MEGF6: variants seen among roughly 807,000 people sequenced by gnomAD.
MEGF6 encodes the protein multiple epidermal growth factor-like domains protein 6.
A neutral mutation model predicts 207.1 loss-of-function variants in MEGF6; 184 were observed. The ratio of observed to expected loss-of-function variants is 0.89; its 90% confidence interval spans 0.79 to 1.00. The LOEUF (loss-of-function observed/expected upper bound fraction) is 1.00, where lower values mean the gene tolerates loss of function less well. Among genes scored for constraint, MEGF6 ranks in the 50% least tolerant of loss-of-function variants. The pLI, the probability that MEGF6 is intolerant of heterozygous loss-of-function variation, is 0.00. For synonymous variants in MEGF6, 1,038 were observed against 910.0 expected (o/e 1.14, Z -2.53); for missense variants, 2,282 against 2,202.9 (o/e 1.04, Z -0.72).
intron 4 of MEGF6, chr1:3,531,166 G>A (rs1642150711): frequency 3.3e-6 from 5 of 1,524,116 alleles, no homozygotes; most frequent in South Asian, 1.2e-5. Flanking sequence ...GCGGTAGTGC[G>A]TGCCCGCGAC....
chr1:3,519,218 G>T (rs1641651380), intron 5 of MEGF6, among the ~76,000 whole-genome samples: 1 of 152,250 alleles, frequency 6.6e-6, no homozygotes, highest in Non-Finnish European at 1.5e-5. Context: ...TGGGTGGTCA[G>T]CTCGGCCCAT....
At chr1:3,537,460 G>A (rs923063983) in intron 4 of MEGF6, among the ~76,000 whole-genome samples, 5 of 152,242 alleles carry the variant, frequency 3.3e-5, no homozygotes, top group South Asian at 2.1e-4. Flanking sequence ...GTGGAGCGGC[G>A]ATCACCACCG....
upstream of MEGF6, among the ~76,000 whole-genome samples, chr1:3,611,959 C>T (rs1394732234): frequency 1.3e-5 from 2 of 152,124 alleles, no homozygotes; most frequent in Non-Finnish European, 2.9e-5. Context: ...GGAGACAGCC[C>T]TCAGCCTCCC....
intron 4 of MEGF6, among the ~76,000 whole-genome samples, chr1:3,524,723 G>A (rs1180121323): frequency 3.3e-5 from 5 of 152,186 alleles, no homozygotes; most frequent in Non-Finnish European, 5.9e-5. Context: ...GAGTGTCCCC[G>A]CAGTTCATGG....
At position 3,512,113 on chromosome 1, in the gene MEGF6, GCACATTCGTC is replaced by G; in HGVS notation, c.859_868del (p.Asp287ProfsTer43). The G allele has an allele frequency of 6.2e-7, 1 of 1,608,516 alleles. No homozygotes were observed. The highest frequency in any genetic ancestry group is 1.1e-5 in the South Asian group (1 of 90,790). On this transcript the variant is annotated frameshift_variant, in exon 8 of 37. Transcript: ENST00000356575. LOFTEE classifies it high-confidence loss of function. ...ATGGGCACACTGGGCCAGCCCTGCG[GCACATTCGTC>G]CACATCTGGAGGGGAGAGACCACAG...
intron 4 of MEGF6, among the ~76,000 whole-genome samples, chr1:3,535,994 G>A (rs1318532896): frequency 6.6e-6 from 1 of 150,844 alleles, no homozygotes; most frequent in South Asian, 2.1e-4. Flanking sequence ...AACTCTCCAA[G>A]GGGGCATCCC....
chr1:3,581,356 G>A (rs1206828012), intron 3 of MEGF6, among the ~76,000 whole-genome samples: 1 of 152,096 alleles, frequency 6.6e-6, no homozygotes, highest in Non-Finnish European at 1.5e-5. Flanking sequence ...GCCACATTCA[G>A]GCCCTACCAG....
At chr1:3,578,431 G>A (rs759826555) in intron 4 of MEGF6, among the ~76,000 whole-genome samples, 14 of 152,200 alleles carry the variant, frequency 9.2e-5, no homozygotes, top group South Asian at 4.1e-4. Flanking sequence ...ACCTGTCCTC[G>A]GAACAGGGAT....
intron 5 of MEGF6, 97 bp from the exon 6 acceptor site, chr1:3,515,624 C>T: frequency 2.0e-6 from 3 of 1,470,304 alleles, no homozygotes; most frequent in Non-Finnish European, 2.8e-6. Flanking sequence ...ATGGCCACTT[C>T]TTCCTGCTGT....
intron 15 of MEGF6, among the ~76,000 whole-genome samples, chr1:3,505,861 T>A (rs996783786): frequency 6.6e-5 from 10 of 152,098 alleles, no homozygotes; most frequent in African/African-American, 2.4e-4. Context: ...CTACCACCCA[T>A]CAAGGCTGGG....
At chr1:3,609,910 G>T (rs367819670) in intron 1 of MEGF6, among the ~76,000 whole-genome samples, 4 of 152,224 alleles carry the variant, frequency 2.6e-5, no homozygotes, top group Non-Finnish European at 5.9e-5. Context: ...CCAAGCAGCA[G>T]CCCACCCCTG....
At chr1:3,602,441 C>G in intron 2 of MEGF6, 25 bp downstream of exon 2, 1 of 1,613,034 alleles carries the variant, frequency 6.2e-7, no homozygotes, top group South Asian at 1.1e-5. Context: ...GGAGCCCCTC[C>G]CCCAACACGG....
intron 5 of MEGF6, 96 bp from the exon 6 acceptor site, chr1:3,515,623 T>TC: frequency 6.8e-7 from 1 of 1,461,224 alleles, no homozygotes; most frequent in Non-Finnish European, 9.3e-7. Context: ...CATGGCCACT[T>TC]CTTCCTGCTG....
chr1:3,502,025 T>G, intron 17 of MEGF6, 104 bp from the exon 18 acceptor site: 3 of 1,490,570 alleles, frequency 2.0e-6, no homozygotes, highest in Non-Finnish European at 2.7e-6. Flanking sequence ...GTGCCTCACA[T>G]GGGCTCCTGG....
At position 3,500,771 on chromosome 1, in the gene MEGF6, C is replaced by G. The variant is rs199684485; in HGVS notation, c.2576-7G>C. 6.2e-7 allele frequency: 1 copy of G among 1,605,522 alleles called. No individual in the cohort carries two copies. Among genetic ancestry groups the G allele is most frequent in the Non-Finnish European group, 8.5e-7 (1 of 1,176,372 alleles). ...CAGTGCCCAGTATCACAGGCTGCAA[C>G]AGAACTCAGGGTCACCCGGCGCAGG... On this transcript the variant is annotated splice_region_variant and splice_polypyrimidine_tract_variant and intron_variant, in intron 20 of 36. Transcript: ENST00000356575.
chr1:3,574,658 A>G (rs1256734443), intron 4 of MEGF6, among the ~76,000 whole-genome samples: 5 of 152,142 alleles, frequency 3.3e-5, no homozygotes, highest in African/African-American at 9.7e-5. Flanking sequence ...TTATTTATCT[A>G]TTGAGACAGG....
intron 4 of MEGF6, among the ~76,000 whole-genome samples, chr1:3,578,888 C>CAGAGCTTGCAGTG (rs1643721448): frequency 1.3e-5 from 2 of 152,208 alleles, no homozygotes; most frequent in African/African-American, 4.8e-5. Context: ...AACCCCTCCT[C>CAGAGCTTGCAGTG]AGCCCGGCCC....
Position 3,493,997 on chromosome 1 carries a change from CCT to C in MEGF6, c.4255_4256del (p.Arg1419GlyfsTer3). ...TTCAGGGAGGCACCAAGCACTCACC[CCT>C]CTCACAGAAGTGGCCGTGGAAGCCG... is the stretch of plus-strand genomic sequence containing the variant. ...PAGFHGHFCE[R>X]GCEPGSFGEG... On this transcript the variant is annotated frameshift_variant and splice_region_variant, in exon 33 of 37. Transcript: ENST00000356575. LOFTEE classifies it high-confidence loss of function. 1 of 1,599,206 alleles carries C rather than the reference CCT, an allele frequency of 6.3e-7. No individual in the cohort carries two copies. The highest frequency in any genetic ancestry group is 8.5e-7 in the Non-Finnish European group (1 of 1,174,118).
intron 35 of MEGF6, among the ~76,000 whole-genome samples, chr1:3,491,500 C>T (rs1557709100): frequency 6.6e-6 from 1 of 152,156 alleles, no homozygotes; most frequent in Non-Finnish European, 1.5e-5. Context: ...TGGGGGCTCC[C>T]CTGTCTTAAG....
Sources: allele counts gnomAD v4.1 joint callset (sites outside exome capture counted in the v4.1 genomes callset), GRCh38; gene constraint gnomAD v4.1.1; transcripts MANE v1.5; gene names NCBI Gene and HGNC (gene_info 2026-07-23, HGNC 2026-07-21).